Variants in TAFA1 observed in about 807,000 individuals in gnomAD.
TAFA1 encodes chemokine-like protein TAFA-1.
A neutral mutation model predicts 18.5 loss-of-function variants in TAFA1; 4 were observed. That is an observed-to-expected ratio of 0.22 (90% CI 0.11 to 0.49). TAFA1 has a LOEUF of 0.49. TAFA1 is among the 20% of genes least tolerant of loss of function. TAFA1 has a pLI of 0.98. For synonymous variants in TAFA1, 56 were observed against 55.2 expected, an observed-to-expected ratio of 1.01 and a Z score of -0.06; for missense variants, 147 against 169.0, an observed-to-expected ratio of 0.87 and a Z score of 0.72.
chr3:68,375,221 CTTGCTTT>C (rs2069786638), intron 2 of TAFA1, among the ~76,000 whole-genome samples: 1 of 152,112 alleles, frequency 6.6e-6, no homozygotes, highest in Non-Finnish European at 1.5e-5. Flanking sequence ...AAGGCAAGAG[CTTGCTTT>C]TGTTAGGAGC....
At chr3:68,317,934 C>A (rs1163750884) in intron 2 of TAFA1, among the ~76,000 whole-genome samples, 1 of 152,042 alleles carries the variant, frequency 6.6e-6, no homozygotes, top group Non-Finnish European at 1.5e-5. Context: ...ATTATCCTTC[C>A]CACAGCCTTG....
At chr3:68,254,105 CTATG>C (rs60606466) in intron 2 of TAFA1, among the ~76,000 whole-genome samples, 11,456 of 145,130 alleles carry the variant, frequency 0.079, 559 homozygotes, top group African/African-American at 0.13. Context: ...ATCTACCTGT[CTATG>C]TATGTATGTA....
At position 68,110,711 on chromosome 3, in the gene TAFA1, G is replaced by A. The variant is rs4129003; in HGVS notation, c.118+103967G>A. Among the ~76,000 whole-genome samples, 1,488 of 152,248 alleles carry A rather than the reference G, an allele frequency of 9.8e-3. 14 individuals carry two copies. The highest frequency in any genetic ancestry group is 0.017 in the Non-Finnish European group (1,155 of 68,018). The stretch of plus-strand genomic sequence containing the variant: ...GGAGGTAGGACCAGGAGGACTTGGT[G>A]ATGAATTGCATGTACAATGTGAAAG... On this transcript the variant is annotated intron_variant, in intron 2 of 4. Transcript: ENST00000478136.
Position 68,312,203 on chromosome 3 carries a change from G to A in TAFA1, c.119-105077G>A, listed in dbSNP as rs564353792. Among the ~76,000 whole-genome samples the A allele has an allele frequency of 3.3e-5, 5 of 152,206 alleles. No individual in the cohort carries two copies. The South Asian group carries it at 1.0e-3, about 32-fold the overall frequency. ...CACCAGAACCACTTTTTCCTCCTAGGCCTTCGGGCCTGTGATAGGAGGGGC... is the reference window on the plus strand; with the variant it reads ...CACCAGAACCACTTTTTCCTCCTAGACCTTCGGGCCTGTGATAGGAGGGGC... On this transcript the variant is annotated intron_variant, in intron 2 of 4. Transcript: ENST00000478136.
intron 2 of TAFA1, among the ~76,000 whole-genome samples, chr3:68,224,569 G>A (rs2066772909): frequency 6.6e-6 from 1 of 152,070 alleles, no homozygotes; most frequent in Non-Finnish European, 1.5e-5. Flanking sequence ...TCTAGCCTGT[G>A]GCCTTTCATT....
intron 3 of TAFA1, among the ~76,000 whole-genome samples, chr3:68,495,499 A>G (rs1231186284): frequency 6.6e-6 from 1 of 152,132 alleles, no homozygotes; most frequent in African/African-American, 2.4e-5. Flanking sequence ...TGGGACCTCA[A>G]TATATGAATT....
At chr3:68,469,692 CAGAG>C (rs1302672738) in intron 3 of TAFA1, among the ~76,000 whole-genome samples, 1 of 151,998 alleles carries the variant, frequency 6.6e-6, no homozygotes, top group Admixed American at 6.6e-5. Context: ...AAGGAAAATT[CAGAG>C]AGAGAGATTC....
At chr3:68,509,686 C>T (rs1224497906) in intron 3 of TAFA1, among the ~76,000 whole-genome samples, 2 of 152,068 alleles carry the variant, frequency 1.3e-5, no homozygotes, top group Non-Finnish European at 2.9e-5. Context: ...CATTACCAGC[C>T]ATTACCAGCT....
At chr3:68,277,872 C>G (rs1282197889) in intron 2 of TAFA1, among the ~76,000 whole-genome samples, 1 of 152,080 alleles carries the variant, frequency 6.6e-6, no homozygotes, top group African/African-American at 2.4e-5. Flanking sequence ...CTTTTCAGGT[C>G]AATACATTTA....
At chr3:68,253,589 C>T (rs1187876998) in intron 2 of TAFA1, among the ~76,000 whole-genome samples, 1 of 152,146 alleles carries the variant, frequency 6.6e-6, no homozygotes, top group African/African-American at 2.4e-5. Flanking sequence ...TTTCTCTCTC[C>T]AGCCAGACTG....
At chr3:68,295,110 C>CATATATTTGCTG (rs148026183) in intron 2 of TAFA1, among the ~76,000 whole-genome samples, 9,644 of 38,044 alleles carry the variant, frequency 0.25, 479 homozygotes, top group East Asian at 0.49. Flanking sequence ...CTCCTGAGCC[C>CATATATTTGCTG]TAACAGTTGA....
At chr3:68,388,250 A>T (rs1363628022) in intron 2 of TAFA1, among the ~76,000 whole-genome samples, 1 of 152,130 alleles carries the variant, frequency 6.6e-6, no homozygotes, top group Non-Finnish European at 1.5e-5. Flanking sequence ...CTAGATGTGA[A>T]CTATATGTTT....
intron 2 of TAFA1, among the ~76,000 whole-genome samples, chr3:68,129,903 G>A (rs2065516896): frequency 6.6e-6 from 1 of 152,060 alleles, no homozygotes. Context: ...ATTCATTGAA[G>A]ACTCTCATAC....
intron 2 of TAFA1, among the ~76,000 whole-genome samples, chr3:68,228,945 T>A (rs972580486): frequency 2.0e-5 from 3 of 152,172 alleles, no homozygotes; most frequent in Non-Finnish European, 4.4e-5. Flanking sequence ...GGGGAGGGAT[T>A]TAAAGAGCAA....
chr3:68,229,250 A>G (rs1235053655), intron 2 of TAFA1, among the ~76,000 whole-genome samples: 1 of 152,206 alleles, frequency 6.6e-6, no homozygotes, highest in East Asian at 1.9e-4. Context: ...AAGATCTGCT[A>G]TTGCTCTTTC....
intron 2 of TAFA1, among the ~76,000 whole-genome samples, chr3:68,161,420 T>G (rs2065924031): frequency 6.6e-6 from 1 of 152,146 alleles, no homozygotes; most frequent in Non-Finnish European, 1.5e-5. Flanking sequence ...TGATAAGAGA[T>G]GTTAGACCTT....
the TAFA1 span, among the ~76,000 whole-genome samples, chr3:67,997,461 A>G: frequency 6.6e-6 from 1 of 152,202 alleles, no homozygotes; most frequent in Non-Finnish European, 1.5e-5. Context: ...GACTACATTA[A>G]AAAATAAATA....
intron 2 of TAFA1, among the ~76,000 whole-genome samples, chr3:68,153,850 G>A (rs1476170365): frequency 1.3e-5 from 2 of 152,090 alleles, no homozygotes; most frequent in South Asian, 2.1e-4. Context: ...AGATTGCTGC[G>A]TGAAAAGTTC....
chr3:68,066,301 G>C (rs558245640), intron 2 of TAFA1, among the ~76,000 whole-genome samples: 3 of 152,204 alleles, frequency 2.0e-5, no homozygotes, highest in African/African-American at 7.2e-5. Flanking sequence ...AGTTCCATGA[G>C]AGCAGATAAG....
Sources: allele counts gnomAD v4.1 joint callset (sites outside exome capture counted in the v4.1 genomes callset), GRCh38; gene constraint gnomAD v4.1.1; transcripts MANE v1.5; gene names NCBI Gene and HGNC (gene_info 2026-07-23, HGNC 2026-07-21).